The following MEF2B variants were observed in gnomAD, a reference collection of about 807,000 sequenced individuals.
MEF2B encodes the protein myocyte-specific enhancer factor 2B.
In MEF2B, 15 loss-of-function variants were observed where a neutral mutation model predicts 32.2. That is an observed-to-expected ratio of 0.47 (90% CI 0.31 to 0.72). The LOEUF (loss-of-function observed/expected upper bound fraction) is 0.72. Ranked by LOEUF, MEF2B falls within the 30% of genes least tolerant of loss-of-function variation. The probability of loss-of-function intolerance (pLI) is 0.05; values close to 1 mark genes in which losing one functional copy is unlikely to be tolerated. For synonymous variants in MEF2B, 205 were observed against 225.6 expected (o/e 0.91, Z 0.82); for missense variants, 441 against 511.5 (o/e 0.86, Z 1.33).
At chr19:19,163,580 C>T (rs1322485250) in intron 1 of MEF2B, among the ~76,000 whole-genome samples, 1 of 152,186 alleles carries the variant, frequency 6.6e-6, no homozygotes, top group Non-Finnish European at 1.5e-5. Context: ...CCTCAATCAC[C>T]CTTCCTTGAA....
intron 1 of MEF2B, among the ~76,000 whole-genome samples, chr19:19,152,497 C>A (rs2060091660): frequency 1.3e-5 from 2 of 151,730 alleles, no homozygotes; most frequent in Admixed American, 6.6e-5. Flanking sequence ...CGAGGTCAGG[C>A]GTTCGAGACC....
rs113792287 is a variant in MEF2B, at chr19:19,147,026, C to G, written c.541+10G>C. 3.4e-4 allele frequency: 534 copies of G among 1,593,976 alleles called. 4 individuals carry two copies. The African/African-American group carries it at 5.7e-3, about 17-fold the overall frequency. On this transcript the variant is annotated intron_variant, in intron 5 of 8. Coordinates refer to ENST00000424583, the MANE Select transcript of MEF2B (RefSeq NM_001145785.2). ...AGGACCTCACCCCTGCCCCACTGTC[C>G]CATGCTCACCTGGGGGCCCGGCTTT...
Position 19,145,869 on chromosome 19 carries a change from C to A in MEF2B, c.1035G>T (p.Arg345=), listed in dbSNP as rs762531898. Residue 345 remains arginine, a synonymous_variant, in exon 9 of 9, where the codon CGG becomes CGT. Coordinates refer to ENST00000424583, the MANE Select transcript of MEF2B (RefSeq NM_001145785.2). The surrounding 1 kb of genome is among the most constrained non-coding windows in gnomAD (Gnocchi z 4.6). ...KTFPYPLLLA[R]SLAEPLRPGP... ...CAGGCCGCAGAGGCTCTGCCAGGGA[C>A]CGGGCGAGGAGCAAGGGATAGGGGA... The A allele has an allele frequency of 1.4e-5, 21 of 1,480,452 alleles. No individual in the cohort carries two copies. Among genetic ancestry groups the A allele is most frequent in the South Asian group, 8.0e-5 (6 of 74,542 alleles). The allele number at this position is 1,480,452 out of a possible 1,614,324, so 91.7% of individuals were successfully genotyped here.
intron 2 of MEF2B, 148 bp from the exon 3 acceptor site, chr19:19,149,577 C>A (rs959501324): frequency 8.8e-7 from 1 of 1,133,858 alleles, no homozygotes; most frequent in Non-Finnish European, 1.2e-6. Context: ...CACAACCTGG[C>A]AAACTCCTAC....
intron 8 of MEF2B, 54 bp from the exon 9 acceptor site, chr19:19,146,076 G>T: frequency 1.5e-6 from 2 of 1,338,432 alleles, no homozygotes; most frequent in South Asian, 1.6e-5. Flanking sequence ...AGGGAAGGAA[G>T]CCAGGGGATG....
chr19:19,150,382 C>T (rs1439222377), intron 2 of MEF2B, among the ~76,000 whole-genome samples: 1 of 151,990 alleles, frequency 6.6e-6, no homozygotes, highest in Non-Finnish European at 1.5e-5. Flanking sequence ...GCAAAATTAG[C>T]TGGGCTTGGT....
At chr19:19,154,838 T>A (rs760310009) in intron 1 of MEF2B, among the ~76,000 whole-genome samples, 3 of 152,110 alleles carry the variant, frequency 2.0e-5, no homozygotes, top group Non-Finnish European at 4.4e-5. Context: ...AGGGTGGAGA[T>A]CATGGGCGGC....
chr19:19,164,639 C>A (rs957508952), intron 1 of MEF2B, among the ~76,000 whole-genome samples: 10 of 152,210 alleles, frequency 6.6e-5, no homozygotes, highest in Non-Finnish European at 1.3e-4. Context: ...CATAGTGAAA[C>A]CCCATCTCTA....
At position 19,156,650 on chromosome 19, in the gene MEF2B, G is replaced by A. The variant is rs185148172; in HGVS notation, c.-29-5886C>T. Among the ~76,000 whole-genome samples, 151 of 152,182 alleles carry A rather than the reference G, an allele frequency of 9.9e-4. 1 individual carries two copies. Among genetic ancestry groups the A allele is most frequent in the Middle Eastern group, 3.4e-3 (1 of 294 alleles). On this transcript the variant is annotated intron_variant, in intron 1 of 8. Transcript: ENST00000424583. Reference sequence around the variant, plus strand: ...TCTTTGAAATAGACGGGATCTAGCCGAGTCACTTTTTTTGTTTTTGAGATG... The same window carrying A: ...TCTTTGAAATAGACGGGATCTAGCCAAGTCACTTTTTTTGTTTTTGAGATG...
chr19:19,150,518 C>A (rs113973066), intron 2 of MEF2B, among the ~76,000 whole-genome samples, 164 bp downstream of exon 2: 4,831 of 103,268 alleles, frequency 0.047, 110 homozygotes, highest in South Asian at 0.12. Flanking sequence ...AGTGAGACTT[C>A]ATCTCAAAAA....
In MEF2B at chr19:19,152,380, C is replaced by CAAAAAAAAA. The variant is rs749560348; in HGVS notation, c.-29-1625_-29-1617dup. 3.5e-5 allele frequency among the ~76,000 whole-genome samples: 4 copies of CAAAAAAAAA among 113,362 alleles called. 1 individual carries two copies. Among genetic ancestry groups the CAAAAAAAAA allele is most frequent in the South Asian group, 3.5e-4 (1 of 2,888 alleles). The allele number at this position is 113,362 out of a possible 152,430, so 74.4% of individuals were successfully genotyped here. On this transcript the variant is annotated intron_variant, in intron 1 of 8. Coordinates refer to ENST00000424583, the MANE Select transcript of MEF2B (RefSeq NM_001145785.2). ...TGGGTGATAGAGCAAGACTCTGTCT[C>CAAAAAAAAA]AAAAAAAAAAAAGAAAAAGAAAAAG...
At chr19:19,160,596 G>A (rs1395872559) in intron 1 of MEF2B, among the ~76,000 whole-genome samples, 5 of 149,464 alleles carry the variant, frequency 3.3e-5, no homozygotes, top group Non-Finnish European at 5.9e-5. Context: ...AACCCAGGCC[G>A]GGAAAGGAGA....
At chr19:19,158,670 A>G (rs1343785673) in intron 1 of MEF2B, among the ~76,000 whole-genome samples, 1 of 151,444 alleles carries the variant, frequency 6.6e-6, no homozygotes, top group Admixed American at 6.6e-5. Context: ...AGGTGGGAGA[A>G]TCACTTGAGC....
chr19:19,157,666 A>G (rs1985805), intron 1 of MEF2B, among the ~76,000 whole-genome samples: 83,978 of 151,918 alleles, frequency 0.55, 23,766 homozygotes, highest in East Asian at 0.75. Context: ...TGGCCAACAT[A>G]GCGAAAACCC....
At chr19:19,159,796 C>A (rs553170215) in intron 1 of MEF2B, among the ~76,000 whole-genome samples, 1 of 152,054 alleles carries the variant, frequency 6.6e-6, no homozygotes, top group Admixed American at 6.6e-5. Context: ...GGCGAGGCCC[C>A]TTAGCCCCCC....
chr19:19,157,615 A>T (rs1195801271), intron 1 of MEF2B, among the ~76,000 whole-genome samples: 1 of 152,244 alleles, frequency 6.6e-6, no homozygotes, highest in African/African-American at 2.4e-5. Context: ...TGGGAGGCCA[A>T]GGCGGGCAGA....
intron 1 of MEF2B, among the ~76,000 whole-genome samples, chr19:19,160,996 C>T (rs1215366981): frequency 6.6e-6 from 1 of 152,168 alleles, no homozygotes; most frequent in Non-Finnish European, 1.5e-5. Flanking sequence ...CGCACCTGCC[C>T]TCAGGGACTC....
chr19:19,169,049 C>T (rs1380127814), intron 1 of MEF2B, among the ~76,000 whole-genome samples: 2 of 151,502 alleles, frequency 1.3e-5, no homozygotes, highest in Non-Finnish European at 2.9e-5. Flanking sequence ...GAGACTCTGT[C>T]TCAAAAAAAA....
chr19:19,157,229 A>T (rs2060126444), intron 1 of MEF2B: 1 of 162,474 alleles, frequency 6.2e-6, no homozygotes, highest in Non-Finnish European at 1.5e-5. Context: ...GTGACCCAGG[A>T]ATTCCGCTCC....
Sources: allele counts gnomAD v4.1 joint callset (sites outside exome capture counted in the v4.1 genomes callset), GRCh38; gene constraint gnomAD v4.1.1; non-coding constraint Gnocchi (gnomAD v3.1); transcripts MANE v1.5; gene names NCBI Gene and HGNC (gene_info 2026-07-23, HGNC 2026-07-21).